Variants in ECT2 observed in about 807,000 individuals in gnomAD.
ECT2 encodes the protein protein ECT2.
Under a neutral mutation model 116.9 loss-of-function variants are expected in ECT2, and 61 were observed. That is an observed-to-expected ratio of 0.52 (90% confidence interval 0.42 to 0.65). The LOEUF (loss-of-function observed/expected upper bound fraction) is 0.65, where lower values mean the gene tolerates loss of function less well. Ranked by LOEUF, ECT2 falls within the 30% of genes least tolerant of loss-of-function variation. The probability of loss-of-function intolerance (pLI) is 0.00; values close to 1 mark genes in which losing one functional copy is unlikely to be tolerated. For synonymous variants in ECT2, 358 were observed against 346.4 expected, an observed-to-expected ratio of 1.03 and a Z score of -0.37; for missense variants, 937 against 1,078.7, an observed-to-expected ratio of 0.87 and a Z score of 1.84.
chr3:172,786,580 T>A lies in ECT2; in HGVS notation c.1907+6T>A. 2 of 1,581,722 alleles carry A rather than the reference T, an allele frequency of 1.3e-6. No homozygotes were observed. The highest frequency in any genetic ancestry group is 2.3e-5 in the South Asian group (2 of 88,022). Reference sequence around the variant, plus strand: ...TCACTGAAGGAAGTAATGACGTAAGTGCATTATTTTCAATTTTTGATTGTG... The same window carrying A: ...TCACTGAAGGAAGTAATGACGTAAGAGCATTATTTTCAATTTTTGATTGTG... On this transcript the variant is annotated splice_donor_region_variant and intron_variant, in intron 18 of 24. Transcript: ENST00000392692.
chr3:172,804,222 A>G (rs1727260808), intron 20 of ECT2, among the ~76,000 whole-genome samples: 2 of 152,206 alleles, frequency 1.3e-5, no homozygotes, highest in Admixed American at 1.3e-4. Flanking sequence ...ATACAAGGGA[A>G]TCTTAAAGAG....
At chr3:172,774,990 T>TAA (rs1471405177) in intron 14 of ECT2, among the ~76,000 whole-genome samples, 1 of 152,258 alleles carries the variant, frequency 6.6e-6, no homozygotes, top group Non-Finnish European at 1.5e-5. Context: ...CTAATGGACT[T>TAA]AGAGTTCATT....
At chr3:172,803,001 G>A (rs191101164) in intron 20 of ECT2, 21 bp downstream of exon 20, 3 of 1,580,348 alleles carry the variant, frequency 1.9e-6, no homozygotes, top group East Asian at 2.3e-5. Context: ...ACTTCACATA[G>A]TATAATAACA....
chr3:172,762,073 G>T (rs1438848851), intron 8 of ECT2, among the ~76,000 whole-genome samples: 1 of 152,048 alleles, frequency 6.6e-6, no homozygotes, highest in African/African-American at 2.4e-5. Context: ...ATTTCTTGCT[G>T]TGGCACTTCA....
intron 21 of ECT2, among the ~76,000 whole-genome samples, chr3:172,806,297 G>C (rs1385395634): frequency 6.6e-6 from 1 of 152,134 alleles, no homozygotes; most frequent in Non-Finnish European, 1.5e-5. Context: ...GTACGGGTCA[G>C]GAATAGATGT....
At chr3:172,783,752 G>A in intron 15 of ECT2, 47 bp from the exon 16 acceptor site, 1 of 1,218,704 alleles carries the variant, frequency 8.2e-7, no homozygotes. Context: ...TGTCTCTAAG[G>A]GTGACAAATG....
chr3:172,779,411 T>G (rs1412621655), intron 14 of ECT2, among the ~76,000 whole-genome samples: 1 of 152,214 alleles, frequency 6.6e-6, no homozygotes, highest in East Asian at 1.9e-4. Context: ...TTTTCTCGCT[T>G]TTGAACTTTA....
At chr3:172,804,206 T>C (rs1221630363) in intron 20 of ECT2, among the ~76,000 whole-genome samples, 3 of 152,198 alleles carry the variant, frequency 2.0e-5, no homozygotes, top group Admixed American at 6.5e-5. Flanking sequence ...TTATTTATAG[T>C]ATAGAATACA....
At position 172,762,439 on chromosome 3, in the gene ECT2, A is replaced by G. The variant is rs749566349; in HGVS notation, c.782A>G (p.Asp261Gly). The G allele has an allele frequency of 4.4e-6, 7 of 1,593,280 alleles. No homozygotes were observed. The East Asian group carries it at 1.6e-4, about 36-fold the overall frequency. ...AGGGATTTCTATGCAGCAGTTGATGACTTTAGAAATGAATTTAAAGTTCCT... is the reference window on the plus strand; with the variant it reads ...AGGGATTTCTATGCAGCAGTTGATGGCTTTAGAAATGAATTTAAAGTTCCT... ...NEQDFYAAVD[D>G]FRNEFKVPPF... is the part of the protein sequence containing the mutation. Residue 261 changes from aspartate to glycine, a missense_variant, in exon 9 of 25, where the codon GAC becomes GGC. Coordinates refer to ENST00000392692, the MANE Select transcript of ECT2 (RefSeq NM_001258315.2).
Position 172,773,967 on chromosome 3 carries a change from T to C in ECT2, c.1493T>C (p.Ile498Thr), listed in dbSNP as rs1291250391. 1 of 1,613,064 alleles carries C rather than the reference T, an allele frequency of 6.2e-7. No homozygotes were observed. The highest frequency in any genetic ancestry group is 1.3e-5 in the African/African-American group (1 of 74,906). Residue 498 changes from isoleucine (I) to threonine (T), a missense_variant, in exon 14 of 25, where the codon ATT becomes ACT. Physicochemically the swap from Ile to Thr is moderately conservative, Grantham distance 89 (BLOSUM62 -1). Transcript: ENST00000392692. ...GGACCTATCCTTGCACCAGAGGAGA[T>C]TAAGACTATTTTTGGTAGCATCCCA... ...RGGPILAPEE[I>T]KTIFGSIPDI... is the part of the protein sequence containing the mutation.
intron 18 of ECT2, among the ~76,000 whole-genome samples, chr3:172,800,529 T>TTA: frequency 6.6e-6 from 1 of 152,336 alleles, no homozygotes; most frequent in East Asian, 1.9e-4. Flanking sequence ...ATGCCCTGAA[T>TTA]TATAATTCTT....
At chr3:172,783,739 C>T (rs2108690957) in intron 15 of ECT2, 60 bp from the exon 16 acceptor site, 1 of 1,098,086 alleles carries the variant, frequency 9.1e-7, no homozygotes, top group East Asian at 2.5e-5. Context: ...CTTTAAGTTA[C>T]ATTGTCTCTA....
the ECT2 span, chr3:172,828,884 T>C: frequency 7.3e-7 from 1 of 1,374,966 alleles, no homozygotes; most frequent in Non-Finnish European, 1.0e-6. Flanking sequence ...GTTCCTGGCA[T>C]AGCCAATGAT....
At chr3:172,817,223 C>T (rs967449745) in intron 24 of ECT2, among the ~76,000 whole-genome samples, 1 of 152,064 alleles carries the variant, frequency 6.6e-6, no homozygotes, top group Admixed American at 6.6e-5. Context: ...GAGTTCTCCC[C>T]TAGTGCACTT....
intron 20 of ECT2, among the ~76,000 whole-genome samples, chr3:172,804,445 A>T (rs1248571350): frequency 6.6e-6 from 1 of 152,186 alleles, no homozygotes; most frequent in Non-Finnish European, 1.5e-5. Context: ...GAGACAGATA[A>T]TTCTCAACTA....
At chr3:172,809,603 A>G (rs1034820896) in intron 22 of ECT2, among the ~76,000 whole-genome samples, 5 of 151,906 alleles carry the variant, frequency 3.3e-5, no homozygotes, top group African/African-American at 1.2e-4. Flanking sequence ...ACACACGCAC[A>G]CACACACGTG....
intron 24 of ECT2, chr3:172,818,760 G>A (rs1488819946): frequency 1.6e-6 from 2 of 1,283,670 alleles, no homozygotes; most frequent in Non-Finnish European, 2.0e-6. Context: ...TGACATTTGT[G>A]AAGAATTAGG....
At chr3:172,771,205 A>G (rs1720572104) in intron 13 of ECT2, 1 of 152,164 alleles carries the variant, frequency 6.6e-6, no homozygotes. Context: ...ATTTTCCTTA[A>G]AGATGACTAA....
At position 172,820,720 on chromosome 3, in the gene ECT2, A is replaced by G. The variant is rs1730582785; in HGVS notation, c.*483A>G. On this transcript the variant is annotated 3_prime_UTR_variant, in exon 25 of 25. Transcript: ENST00000392692. The stretch of plus-strand genomic sequence containing the variant: ...TGATTAAATAGTGGGTCTGTTTCAC[A>G]TGTGCAGTTTGAAGTATTTAAATAA... 1.3e-5 allele frequency: 2 copies of G among 152,040 alleles called. No homozygotes were observed. Among genetic ancestry groups the G allele is most frequent in the African/African-American group, 4.8e-5 (2 of 41,440 alleles). 9.4% of individuals were successfully genotyped at this position (152,040 alleles called of 1,614,324 possible). A position where few individuals can be genotyped will look rare whatever the true frequency, so the allele number is the denominator to read the frequency against.
Sources: allele counts gnomAD v4.1 joint callset (sites outside exome capture counted in the v4.1 genomes callset), GRCh38; gene constraint gnomAD v4.1.1; transcripts MANE v1.5; gene names NCBI Gene and HGNC (gene_info 2026-07-23, HGNC 2026-07-21).